The following CFAP92 variants were observed in gnomAD, a reference collection of about 807,000 sequenced individuals.
CFAP92 encodes the protein cilia and flagella associated protein 92 (putative).
CFAP92 carries 86 observed loss-of-function variants against 106.3 expected under a neutral mutation model. That is an observed-to-expected ratio of 0.81 (90% confidence interval 0.68 to 0.97). The LOEUF (loss-of-function observed/expected upper bound fraction) is 0.97. CFAP92 is among the 50% of genes least tolerant of loss of function. CFAP92 has a pLI of 0.00. For synonymous variants in CFAP92, 477 were observed against 506.4 expected (o/e 0.94, Z 0.78); for missense variants, 1,204 against 1,283.8 (o/e 0.94, Z 0.95).
At chr3:129,015,649 T>A in the CFAP92 span, among the ~76,000 whole-genome samples, 158 of 151,678 alleles carry the variant, frequency 1.0e-3, 1 homozygote, top group African/African-American at 3.8e-3. Flanking sequence ...CCCACCGCCA[T>A]CCCCTGCTCA....
chr3:128,927,217 G>A (rs577042197), intron 12 of CFAP92, among the ~76,000 whole-genome samples: 25 of 152,120 alleles, frequency 1.6e-4, no homozygotes, highest in African/African-American at 6.0e-4. Context: ...GAATTAAACC[G>A]AACTTGTCAG....
At chr3:128,977,951 G>A (rs987980181) in intron 5 of CFAP92, 94 bp downstream of exon 5, 19 of 1,504,016 alleles carry the variant, frequency 1.3e-5, no homozygotes, top group African/African-American at 9.7e-5. Context: ...CAGGAGGGAC[G>A]CCCATGCAGA....
chr3:128,948,114 A>T (rs1940416906), intron 9 of CFAP92, among the ~76,000 whole-genome samples: 1 of 152,186 alleles, frequency 6.6e-6, no homozygotes, highest in South Asian at 2.1e-4. Flanking sequence ...CAAACTACAG[A>T]CTGGGAGAAA....
At chr3:128,947,591 A>G (rs1576474665) in intron 9 of CFAP92, among the ~76,000 whole-genome samples, 1 of 152,250 alleles carries the variant, frequency 6.6e-6, no homozygotes, top group South Asian at 2.1e-4. Flanking sequence ...ACAGATCCAC[A>G]CAAGTATGGC....
intron 12 of CFAP92, among the ~76,000 whole-genome samples, chr3:128,928,269 C>T (rs1047333565): frequency 6.6e-6 from 1 of 152,028 alleles, no homozygotes; most frequent in African/African-American, 2.4e-5. Flanking sequence ...AATAAATAAA[C>T]AAAATCCCCA....
chr3:128,939,826 T>C (rs1466334458), intron 10 of CFAP92, among the ~76,000 whole-genome samples: 1 of 152,204 alleles, frequency 6.6e-6, no homozygotes, highest in African/African-American at 2.4e-5. Flanking sequence ...GTCCCTCGCA[T>C]GCACAGTTCA....
At chr3:128,947,662 A>G (rs1395232359) in intron 9 of CFAP92, among the ~76,000 whole-genome samples, 1 of 152,194 alleles carries the variant, frequency 6.6e-6, no homozygotes, top group Non-Finnish European at 1.5e-5. Flanking sequence ...CACACCATAT[A>G]CAAAAATTCA....
At chr3:128,959,288 A>G (rs1436354866) in intron 9 of CFAP92, among the ~76,000 whole-genome samples, 2 of 152,194 alleles carry the variant, frequency 1.3e-5, no homozygotes, top group African/African-American at 4.8e-5. Context: ...AACAGTTCGC[A>G]TACAAAGGTT....
intron 2 of CFAP92, chr3:128,991,686 C>A: frequency 1.2e-6 from 1 of 822,874 alleles, no homozygotes; most frequent in Non-Finnish European, 1.5e-6. Flanking sequence ...AGGCCTCAGC[C>A]GGCCTGCACC....
the CFAP92 span, among the ~76,000 whole-genome samples, chr3:129,010,246 C>T: frequency 4.1e-4 from 63 of 152,352 alleles, no homozygotes; most frequent in African/African-American, 1.3e-3. This position sits in a 1 kb window ranked among gnomAD's most constrained non-coding sequence, Gnocchi z 4.3. Flanking sequence ...CTTTTGAAAC[C>T]GCCCATATCT....
rs140785962 is a variant in CFAP92, at chr3:128,947,077, A to T, written c.1354-1102T>A. Among the ~76,000 whole-genome samples, 386 of 152,256 alleles carry T rather than the reference A, an allele frequency of 2.5e-3. 1 individual carries two copies. The highest frequency in any genetic ancestry group is 8.6e-3 in the African/African-American group (358 of 41,518). On this transcript the variant is annotated intron_variant, in intron 9 of 15. Transcript: ENST00000645291. ...CCTAGTATCTCTGGAACTGGCAGTA[A>T]AAAGGAACGGCTGGAGCAGGGAGGA...
chr3:129,001,854 C>G (rs1187748863), intron 1 of CFAP92: 1 of 1,546,198 alleles, frequency 6.5e-7, no homozygotes, highest in South Asian at 1.2e-5. Context: ...CCGTCTGCCC[C>G]GCGCCGACTT....
chr3:128,989,602 C>G (rs9837813), intron 2 of CFAP92, among the ~76,000 whole-genome samples: 4,576 of 152,236 alleles, frequency 0.03, 223 homozygotes, highest in African/African-American at 0.1. Context: ...GACCCCACCC[C>G]TGGTTGCTTA....
chr3:128,935,227 A>G lies in CFAP92; in HGVS notation c.2351T>C (p.Leu784Pro), dbSNP rs1172355784. 1 of 1,535,992 alleles carries G rather than the reference A, an allele frequency of 6.5e-7. No homozygotes were observed. Among genetic ancestry groups the G allele is most frequent in the African/African-American group, 1.4e-5 (1 of 73,064 alleles). ...GGGCTGGAAGAGGTGCACGTGGTAC[A>G]GGATGGCCTCCAGGTCCCCATAGAG... Reference protein sequence around the residue: ...SRLYGDLEAILYHVHLFQPTE... With the variant: ...SRLYGDLEAIPYHVHLFQPTE... The change falls in exon 11 of 16, where the codon CTG becomes CCG. Residue 784 changes from leucine (L) to proline (P), a missense_variant. By Grantham distance (98) the Leu-to-Pro change is moderately conservative. Transcript: ENST00000645291.
chr3:128,910,630 C>A, intron 15 of CFAP92: 1 of 1,167,080 alleles, frequency 8.6e-7, no homozygotes, highest in Non-Finnish European at 1.3e-6. Flanking sequence ...CTGTGCCAGG[C>A]CTTGTGACCC....
At chr3:129,001,357 A>G (rs997156769) in intron 1 of CFAP92, among the ~76,000 whole-genome samples, 1 of 152,196 alleles carries the variant, frequency 6.6e-6, no homozygotes, top group Non-Finnish European at 1.5e-5. Context: ...AGTCACGCGG[A>G]GAAGCCAGAC....
At chr3:128,959,636 C>T (rs1448736500) in intron 9 of CFAP92, among the ~76,000 whole-genome samples, 4 of 152,128 alleles carry the variant, frequency 2.6e-5, no homozygotes, top group South Asian at 2.1e-4. Context: ...GTGAGCATCC[C>T]GCTGGCAACT....
At chr3:128,960,130 G>A (rs934883418) in intron 9 of CFAP92, among the ~76,000 whole-genome samples, 3 of 151,864 alleles carry the variant, frequency 2.0e-5, no homozygotes, top group Admixed American at 6.6e-5. Flanking sequence ...CCTATAAAAC[G>A]GCCCCACTCC....
intron 15 of CFAP92, among the ~76,000 whole-genome samples, chr3:128,912,188 T>G (rs1936402638): frequency 1.3e-5 from 2 of 152,184 alleles, no homozygotes; most frequent in Non-Finnish European, 2.9e-5. Flanking sequence ...TTATGTGCTG[T>G]GGAGGGTGCT....
Sources: allele counts gnomAD v4.1 joint callset (sites outside exome capture counted in the v4.1 genomes callset), GRCh38; gene constraint gnomAD v4.1.1; non-coding constraint Gnocchi (gnomAD v3.1); transcripts MANE v1.5; gene names NCBI Gene and HGNC (gene_info 2026-07-23, HGNC 2026-07-21).